PLEKHB1: variants seen among roughly 807,000 people sequenced by gnomAD.
PLEKHB1 encodes the protein pleckstrin homology domain-containing family B member 1.
In PLEKHB1, 29 loss-of-function variants were observed where a neutral mutation model predicts 36.2. The ratio of observed to expected loss-of-function variants is 0.80; its 90% CI spans 0.60 to 1.09. The LOEUF (loss-of-function observed/expected upper bound fraction) is 1.09. Among genes scored for constraint, PLEKHB1 ranks in the 50% least tolerant of loss-of-function variants. The pLI, the probability that PLEKHB1 is intolerant of heterozygous loss-of-function variation, is 0.00. For synonymous variants in PLEKHB1, 138 were observed against 140.0 expected (o/e 0.99, Z 0.10); for missense variants, 330 against 348.2 (o/e 0.95, Z 0.42).
chr11:73,652,953 T>C (rs1285063788), intron 4 of PLEKHB1, 22 bp from the exon 5 acceptor site: 2 of 1,600,960 alleles, frequency 1.2e-6, no homozygotes, highest in African/African-American at 2.7e-5. Context: ...CTCCTCATGG[T>C]CTGGTGGGAT....
chr11:73,651,763 C>G, intron 3 of PLEKHB1, 25 bp from the exon 4 acceptor site: 1 of 1,596,342 alleles, frequency 6.3e-7, no homozygotes, highest in Non-Finnish European at 8.6e-7. Flanking sequence ...CCTGTGGAAA[C>G]CCATATATGT....
intron 5 of PLEKHB1, among the ~76,000 whole-genome samples, chr11:73,654,271 C>G (rs894164415): frequency 2.6e-5 from 4 of 152,166 alleles, no homozygotes; most frequent in Non-Finnish European, 4.4e-5. Flanking sequence ...AGCTTGGCCT[C>G]CACCCCCATC....
In PLEKHB1 at chr11:73,657,851, G is replaced by A. The variant is rs140320829; in HGVS notation, c.495+1944G>A. On this transcript the variant is annotated intron_variant, in intron 6 of 7. Transcript: ENST00000354190. ...GGATCACTGATGGGGAGGGAGCACC[G>A]TAGAGTTCACTGACTTACGACATTG... 1.1e-4 allele frequency among the ~76,000 whole-genome samples: 16 copies of A among 152,302 alleles called. No homozygotes were observed. The East Asian group carries it at 3.1e-3, about 29-fold the overall frequency.
chr11:73,656,907 C>G (rs1332271942), intron 6 of PLEKHB1, among the ~76,000 whole-genome samples: 1 of 152,208 alleles, frequency 6.6e-6, no homozygotes, highest in African/African-American at 2.4e-5. Flanking sequence ...AATCCCAGAA[C>G]TTTGGGAGGC....
At chr11:73,651,451 G>A (rs571927739) in intron 3 of PLEKHB1, 57 of 516,098 alleles carry the variant, frequency 1.1e-4, no homozygotes, top group South Asian at 8.8e-4. Flanking sequence ...CTGCCCTCCA[G>A]GCGCTCGGTA....
At position 73,648,917 on chromosome 11, in the gene PLEKHB1, C is replaced by T. The variant is rs545963775; in HGVS notation, c.19-95C>T. 9 of 1,502,698 alleles carry T rather than the reference C, an allele frequency of 6.0e-6. No individual in the cohort carries two copies. In the Admixed American group the frequency reaches 9.2e-5, roughly 15 times the overall value. The allele number at this position is 1,502,698 out of a possible 1,614,324, so 93.1% of individuals were successfully genotyped here. ...CCTTGTTTACTAACCCTCCCTCAAACGTTTCCTGGGTGGCTCCCCAGGGAC... is the reference window on the plus strand; with the variant it reads ...CCTTGTTTACTAACCCTCCCTCAAATGTTTCCTGGGTGGCTCCCCAGGGAC... On this transcript the variant is annotated intron_variant, in intron 1 of 7. Coordinates refer to ENST00000354190, the MANE Select transcript of PLEKHB1 (RefSeq NM_021200.3).
rs1019444617 is a variant in PLEKHB1 at position 73,648,887 on chromosome 11, C to T, written c.19-125C>T. The T allele has an allele frequency of 2.8e-6, 4 of 1,449,450 alleles. No homozygotes were observed. In the African/African-American group the frequency reaches 5.8e-5, roughly 21 times the overall value. 89.8% of individuals were successfully genotyped at this position (1,449,450 alleles called of 1,614,324 possible). On this transcript the variant is annotated intron_variant, in intron 1 of 7. Transcript: ENST00000354190. Reference sequence around the variant, plus strand: ...AGAATGGGGAGGAGGCCGAGGCCGCCTGGCCCTTGTTTACTAACCCTCCCT... The same window carrying T: ...AGAATGGGGAGGAGGCCGAGGCCGCTTGGCCCTTGTTTACTAACCCTCCCT...
chr11:73,660,943 T>G (rs1590804815), intron 7 of PLEKHB1, 91 bp downstream of exon 7: 1 of 1,212,724 alleles, frequency 8.2e-7, no homozygotes. Flanking sequence ...GGACCAGGCT[T>G]CATCCTTTTA....
chr11:73,655,851 A>C lies in PLEKHB1; in HGVS notation c.439A>C (p.Lys147Gln). ...TCCCAGGAGCCGCCGGGTTTGCTCC[A>C]AGGTCAGGTGTGTGACCCGCTCGTG... ...VPPRSRRVCS[K>Q]VRCVTRSWSP... is the part of the protein sequence containing the mutation. The change falls in exon 6 of 8, where the codon AAG (lysine) becomes CAG (glutamine). Residue 147 changes from lysine to glutamine, a missense_variant. By Grantham distance (53) the Lys-to-Gln change is moderately conservative (BLOSUM62 1). Coordinates refer to ENST00000354190, the MANE Select transcript of PLEKHB1 (RefSeq NM_021200.3). 6.2e-7 allele frequency: 1 copy of C among 1,613,780 alleles called. No homozygotes were observed. The highest frequency in any genetic ancestry group is 8.5e-7 in the Non-Finnish European group (1 of 1,179,856).
intron 1 of PLEKHB1, chr11:73,648,405 T>A (rs529786724): frequency 1.3e-5 from 2 of 156,058 alleles, no homozygotes; most frequent in East Asian, 3.8e-4. Flanking sequence ...AATGAGATAA[T>A]GGATGAAAGC....
chr11:73,661,882 A>C lies in PLEKHB1; in HGVS notation c.*280A>C. ...TATGGATACATTTCCTCTAAACACA[A>C]CAGGGCACAGCAAATACGACTTCAT... On this transcript the variant is annotated 3_prime_UTR_variant, in exon 8 of 8. Transcript: ENST00000354190. The surrounding 1 kb of genome is among the most constrained non-coding windows in gnomAD (Gnocchi z 4.6). 5.0e-6 allele frequency: 2 copies of C among 398,128 alleles called. No homozygotes were observed. The highest frequency in any genetic ancestry group is 9.0e-6 in the Non-Finnish European group (2 of 221,290). 24.7% of individuals were successfully genotyped at this position (398,128 alleles called of 1,614,324 possible).
At chr11:73,648,713 G>A in intron 1 of PLEKHB1, 18 of 1,134,904 alleles carry the variant, frequency 1.6e-5, no homozygotes, top group Non-Finnish European at 2.0e-5. Flanking sequence ...TAGAAACTGA[G>A]ACCAGGACAG....
chr11:73,652,403 C>T lies in PLEKHB1; in HGVS notation c.350+513C>T, dbSNP rs530801210. 414 of 167,638 alleles carry T rather than the reference C, an allele frequency of 2.5e-3. 1 individual carries two copies. Among genetic ancestry groups the T allele is most frequent in the Non-Finnish European group, 4.0e-3 (313 of 78,050 alleles). The allele number at this position is 167,638 out of a possible 1,614,324, so 10.4% of individuals were successfully genotyped here. On this transcript the variant is annotated intron_variant, in intron 4 of 7. Coordinates refer to ENST00000354190, the MANE Select transcript of PLEKHB1 (RefSeq NM_021200.3). ...AGGCACCATCTGCTGGCTCACATTC[C>T]GTCCCTTCCTACCCTCTGGCTAAGG...
Position 73,661,714 on chromosome 11 carries a change from A to G in PLEKHB1, c.*112A>G. On this transcript the variant is annotated 3_prime_UTR_variant, in exon 8 of 8. Coordinates refer to ENST00000354190, the MANE Select transcript of PLEKHB1 (RefSeq NM_021200.3). This position sits in a 1 kb window ranked among gnomAD's most constrained non-coding sequence, Gnocchi z 4.6. Reference sequence around the variant, plus strand: ...GTCCCACTTTGGCCCTATCCTCTCCATTAGCTCCTTCCGGGTTTGGACCAT... The same window carrying G: ...GTCCCACTTTGGCCCTATCCTCTCCGTTAGCTCCTTCCGGGTTTGGACCAT... 1 of 1,338,088 alleles carries G rather than the reference A, an allele frequency of 7.5e-7. No individual in the cohort carries two copies. The highest frequency in any genetic ancestry group is 1.0e-6 in the Non-Finnish European group (1 of 993,862). 82.9% of individuals were successfully genotyped at this position (1,338,088 alleles called of 1,614,324 possible). A position where few individuals can be genotyped will look rare whatever the true frequency, so the allele number is the denominator to read the frequency against.
rs1273388961 is a variant in PLEKHB1 at position 73,662,720 on chromosome 11, G to A, written c.*1118G>A. On this transcript the variant is annotated 3_prime_UTR_variant, in exon 8 of 8. Transcript: ENST00000354190. ...CACCAATAGAAATGCTAACATCCCTGCCTGGTAGCCAGACTAGCCCACTAA... is the reference window on the plus strand; with the variant it reads ...CACCAATAGAAATGCTAACATCCCTACCTGGTAGCCAGACTAGCCCACTAA... 6.6e-6 allele frequency: 1 copy of A among 152,134 alleles called. No individual in the cohort carries two copies. Among genetic ancestry groups the A allele is most frequent in the South Asian group, 2.1e-4 (1 of 4,818 alleles). The allele number at this position is 152,134 out of a possible 1,614,324, so 9.4% of individuals were successfully genotyped here.
At chr11:73,649,742 G>A (rs1432333500) in intron 2 of PLEKHB1, among the ~76,000 whole-genome samples, 1 of 152,146 alleles carries the variant, frequency 6.6e-6, no homozygotes, top group Admixed American at 6.5e-5. Flanking sequence ...GGGACCCCTG[G>A]GACAAGCAGC....
chr11:73,660,960 A>C lies in PLEKHB1; in HGVS notation c.595+108A>C, dbSNP rs1231736058. 1.6e-5 allele frequency: 17 copies of C among 1,044,900 alleles called. No homozygotes were observed. In the Admixed American group the frequency reaches 3.5e-4, roughly 22 times the overall value. 64.7% of individuals were successfully genotyped at this position (1,044,900 alleles called of 1,614,324 possible). ...ACCAGGCTTCATCCTTTTAGCGTGC[A>C]CGGATTTTCCCAGGCAGAACTCTCC... On this transcript the variant is annotated intron_variant, in intron 7 of 7. Transcript: ENST00000354190.
Position 73,650,538 on chromosome 11 carries a change from T to C in PLEKHB1, c.95-15T>C, listed in dbSNP as rs750607541. On this transcript the variant is annotated splice_polypyrimidine_tract_variant and intron_variant, in intron 2 of 7. Coordinates refer to ENST00000354190, the MANE Select transcript of PLEKHB1 (RefSeq NM_021200.3). ...CTGGGATCAGCCTGCCTAGTGCATCTGGAATATCGTACAGGCTCCATCCTC... is the reference window on the plus strand; with the variant it reads ...CTGGGATCAGCCTGCCTAGTGCATCCGGAATATCGTACAGGCTCCATCCTC... The C allele has an allele frequency of 3.1e-6, 5 of 1,598,356 alleles. No homozygotes were observed. The highest frequency in any genetic ancestry group is 1.3e-5 in the African/African-American group (1 of 74,548).
chr11:73,648,969 G>T (rs1421034976), intron 1 of PLEKHB1, 43 bp from the exon 2 acceptor site: 46 of 1,560,042 alleles, frequency 2.9e-5, no homozygotes, highest in Admixed American at 5.8e-5. Context: ...TCTCTCCAGG[G>T]AGCTGCTGCT....
Sources: gnomAD v4.1 joint callset for allele counts (sites outside exome capture counted in the v4.1 genomes callset) on GRCh38, gnomAD v4.1.1 for gene constraint, Gnocchi (gnomAD v3.1) non-coding constraint, MANE v1.5 for transcripts, NCBI Gene and HGNC (gene_info 2026-07-23, HGNC 2026-07-21) for gene names.